Variants in GABRB3 observed in about 807,000 individuals in gnomAD.
GABRB3 encodes gamma-aminobutyric acid receptor subunit beta-3.
GABRB3 carries 14 observed loss-of-function variants against 52.1 expected under a neutral mutation model. That is an observed-to-expected ratio of 0.27 (90% CI 0.18 to 0.42). GABRB3 has a LOEUF of 0.42. Ranked by LOEUF, GABRB3 falls within the 10% of genes least tolerant of loss-of-function variation. The pLI, the probability that GABRB3 is intolerant of heterozygous loss-of-function variation, is 1.00. For synonymous variants in GABRB3, 260 were observed against 232.3 expected, an observed-to-expected ratio of 1.12 and a Z score of -1.08; for missense variants, 307 against 609.1, an observed-to-expected ratio of 0.50 and a Z score of 5.22.
intron 3 of GABRB3, among the ~76,000 whole-genome samples, chr15:26,629,347 C>G (rs1434427718): frequency 1.3e-5 from 2 of 152,214 alleles, no homozygotes; most frequent in Non-Finnish European, 2.9e-5. Flanking sequence ...CAAGCTCCTC[C>G]CTGTGCGCGG....
chr15:26,627,517 G>C (rs1241856241), intron 3 of GABRB3, among the ~76,000 whole-genome samples: 1 of 151,706 alleles, frequency 6.6e-6, no homozygotes, highest in Non-Finnish European at 1.5e-5. Context: ...TGATTTATAG[G>C]AGGAGGTCAA....
chr15:26,658,395 A>G (rs1465469822), intron 3 of GABRB3: 1 of 152,196 alleles, frequency 6.6e-6, no homozygotes, highest in Non-Finnish European at 1.5e-5. Flanking sequence ...CTGTATCTCA[A>G]TAAATCAGCT....
intron 4 of GABRB3, among the ~76,000 whole-genome samples, chr15:26,618,599 A>G (rs1892355311): frequency 6.6e-6 from 1 of 152,238 alleles, no homozygotes; most frequent in African/African-American, 2.4e-5. Flanking sequence ...TTTAGGACAT[A>G]GGCATGGGCA....
chr15:26,639,819 G>A (rs1695275414), intron 3 of GABRB3, among the ~76,000 whole-genome samples: 1 of 152,136 alleles, frequency 6.6e-6, no homozygotes, highest in African/African-American at 2.4e-5. Context: ...ATCTGCTCCT[G>A]GTAAATGTAA....
At chr15:26,591,618 G>C (rs1302584326) in intron 4 of GABRB3, among the ~76,000 whole-genome samples, 1 of 152,176 alleles carries the variant, frequency 6.6e-6, no homozygotes, top group Non-Finnish European at 1.5e-5. Context: ...TGCCCAGAGG[G>C]TGGAATGAGA....
At chr15:26,593,031 A>G (rs1891263524) in intron 4 of GABRB3, among the ~76,000 whole-genome samples, 1 of 152,144 alleles carries the variant, frequency 6.6e-6, no homozygotes, top group Non-Finnish European at 1.5e-5. Flanking sequence ...AAAAAACAAA[A>G]AAAATTCAGA....
intron 8 of GABRB3, among the ~76,000 whole-genome samples, chr15:26,553,745 C>A (rs1889570306): frequency 6.6e-6 from 1 of 151,962 alleles, no homozygotes; most frequent in African/African-American, 2.4e-5. Flanking sequence ...CACCATCTTG[C>A]CCTGTCCTTA....
chr15:26,611,631 C>G (rs1566773712), intron 4 of GABRB3, among the ~76,000 whole-genome samples: 2 of 152,054 alleles, frequency 1.3e-5, no homozygotes, highest in African/African-American at 4.8e-5. Flanking sequence ...TATGAAAAAA[C>G]AGAAAGTCCA....
chr15:26,681,109 G>A, intron 3 of GABRB3, among the ~76,000 whole-genome samples: 1 of 152,010 alleles, frequency 6.6e-6, no homozygotes, highest in East Asian at 1.9e-4. Flanking sequence ...TTTGTAAGCT[G>A]CCTTCAATCT....
chr15:26,574,402 A>G (rs1320134777), intron 6 of GABRB3, among the ~76,000 whole-genome samples: 1 of 152,328 alleles, frequency 6.6e-6, no homozygotes, highest in South Asian at 2.1e-4. Context: ...TCCACTCCTA[A>G]GTATATGAGT....
At chr15:26,762,118 C>T (rs541163145) in intron 3 of GABRB3, among the ~76,000 whole-genome samples, 1 of 152,272 alleles carries the variant, frequency 6.6e-6, no homozygotes, top group Admixed American at 6.5e-5. Context: ...GGGCATAAAA[C>T]CCCACACCCA....
chr15:26,632,477 A>G (rs777419052), intron 3 of GABRB3, among the ~76,000 whole-genome samples: 5 of 152,232 alleles, frequency 3.3e-5, no homozygotes, highest in Non-Finnish European at 2.9e-5. Context: ...GTTTTTCTTT[A>G]TAAGTCTAAA....
chr15:26,772,863 C>G lies in GABRB3; in HGVS notation c.80+20G>C. On this transcript the variant is annotated intron_variant, in intron 1 of 8. Coordinates refer to ENST00000311550, the MANE Select transcript of GABRB3 (RefSeq NM_000814.6). ...ACCCCGCGCCCTGCCCGCCGCCCGC[C>G]GGCCCACCCGCGACCCTACCTCTGG... The G allele has an allele frequency of 6.9e-7, 1 of 1,451,216 alleles. No homozygotes were observed. Among genetic ancestry groups the G allele is most frequent in the Non-Finnish European group, 9.1e-7 (1 of 1,097,842 alleles). 89.9% of individuals were successfully genotyped at this position (1,451,216 alleles called of 1,614,324 possible).
chr15:26,587,657 T>C (rs1364226349), intron 4 of GABRB3, among the ~76,000 whole-genome samples: 1 of 151,954 alleles, frequency 6.6e-6, no homozygotes, highest in Non-Finnish European at 1.5e-5. Flanking sequence ...TGCGTTAAGG[T>C]TGAGAAGGGT....
intron 7 of GABRB3, among the ~76,000 whole-genome samples, chr15:26,563,862 G>A (rs950561506): frequency 1.3e-5 from 2 of 152,000 alleles, no homozygotes; most frequent in African/African-American, 4.8e-5. Context: ...TTGTCATTTA[G>A]ATTATGTATG....
rs369050761 is a variant in GABRB3, at chr15:26,727,314, T to C, written c.240+45088A>G. ...CCCTCCTTCCTTAGGTATTTACTTA[T>C]GTATATATCTATTTAATTATGTATT... On this transcript the variant is annotated intron_variant, in intron 3 of 8. Transcript: ENST00000311550. Among the ~76,000 whole-genome samples, 16 of 152,328 alleles carry C rather than the reference T, an allele frequency of 1.1e-4. No individual in the cohort carries two copies. In the South Asian group the frequency reaches 2.9e-3, roughly 28 times the overall value.
At chr15:26,706,588 T>A (rs539387371) in intron 3 of GABRB3, among the ~76,000 whole-genome samples, 2 of 152,264 alleles carry the variant, frequency 1.3e-5, no homozygotes, top group South Asian at 4.1e-4. Context: ...CCTTTTCTGA[T>A]AAAATCTGCA....
intron 3 of GABRB3, among the ~76,000 whole-genome samples, chr15:26,672,408 T>C (rs1195207676): frequency 1.3e-5 from 2 of 152,152 alleles, no homozygotes; most frequent in Non-Finnish European, 2.9e-5. Flanking sequence ...GACCCACTTA[T>C]AGTTCCTGAA....
At chr15:26,678,887 A>C (rs1888152001) in intron 3 of GABRB3, among the ~76,000 whole-genome samples, 1 of 152,178 alleles carries the variant, frequency 6.6e-6, no homozygotes, top group Non-Finnish European at 1.5e-5. Context: ...CAGTGATTGT[A>C]AAATTTCCAT....
Sources: gnomAD v4.1 joint callset for allele counts (sites outside exome capture counted in the v4.1 genomes callset) on GRCh38, gnomAD v4.1.1 for gene constraint, MANE v1.5 for transcripts, NCBI Gene and HGNC (gene_info 2026-07-23, HGNC 2026-07-21) for gene names.